The following ASTN2 variants were observed in gnomAD, a reference collection of about 807,000 sequenced individuals.
ASTN2 encodes the protein astrotactin-2.
A neutral mutation model predicts 139.8 loss-of-function variants in ASTN2; 54 were observed. That is an observed-to-expected ratio of 0.39 (90% CI 0.31 to 0.48). The LOEUF (loss-of-function observed/expected upper bound fraction) is 0.48. ASTN2 is among the 20% of genes least tolerant of loss of function. The pLI is 0.95. For synonymous variants in ASTN2, 756 were observed against 719.5 expected (o/e 1.05, Z -0.81); for missense variants, 1,565 against 1,725.1 (o/e 0.91, Z 1.64).
At chr9:116,576,594 C>T (rs1853730785) in intron 19 of ASTN2, among the ~76,000 whole-genome samples, 1 of 152,148 alleles carries the variant, frequency 6.6e-6, no homozygotes, top group Non-Finnish European at 1.5e-5. Flanking sequence ...GCAGGAAGTG[C>T]TTCAGGACAG....
chr9:117,200,886 T>C (rs1229759591), intron 3 of ASTN2, among the ~76,000 whole-genome samples: 2 of 152,088 alleles, frequency 1.3e-5, no homozygotes, highest in Non-Finnish European at 1.5e-5. Flanking sequence ...TAAAATGAGT[T>C]AGGAAGGAGT....
chr9:116,984,434 T>C (rs1473535505), intron 7 of ASTN2, among the ~76,000 whole-genome samples: 2 of 152,208 alleles, frequency 1.3e-5, no homozygotes, highest in African/African-American at 4.8e-5. Flanking sequence ...TCAATAACTC[T>C]GCCTCCCTGT....
At chr9:116,960,002 T>C (rs1266982140) in intron 10 of ASTN2, among the ~76,000 whole-genome samples, 1 of 152,124 alleles carries the variant, frequency 6.6e-6, no homozygotes, top group East Asian at 1.9e-4. Flanking sequence ...TCATGTCTGC[T>C]GGTGCTGCAC....
At position 116,815,588 on chromosome 9, in the gene ASTN2, G is replaced by C. The variant is rs922002589; in HGVS notation, c.2207+5029C>G. Among the ~76,000 whole-genome samples, 3 of 151,036 alleles carry C rather than the reference G, an allele frequency of 2.0e-5. No individual in the cohort carries two copies. The East Asian group carries it at 5.9e-4, about 30-fold the overall frequency. On this transcript the variant is annotated intron_variant, in intron 12 of 22. Coordinates refer to ENST00000313400, the MANE Select transcript of ASTN2 (RefSeq NM_001365068.1). ...TGGGAGGCTGAGGCGGGTGGATCAC[G>C]AGGTCAGGAGATCGAGACCATCCTG...
intron 11 of ASTN2, among the ~76,000 whole-genome samples, chr9:116,847,084 T>C (rs970415871): frequency 6.8e-6 from 1 of 147,576 alleles, no homozygotes; most frequent in East Asian, 2.0e-4. Context: ...GGGAGAAAAG[T>C]AAGTAAGCAC....
intron 10 of ASTN2, among the ~76,000 whole-genome samples, chr9:116,897,198 T>G (rs1306891931): frequency 6.6e-6 from 1 of 152,070 alleles, no homozygotes; most frequent in Non-Finnish European, 1.5e-5. Flanking sequence ...AAGGACCAAA[T>G]GTAGATGGGA....
chr9:116,648,212 A>C (rs901439261), intron 17 of ASTN2, among the ~76,000 whole-genome samples: 8 of 151,972 alleles, frequency 5.3e-5, no homozygotes, highest in African/African-American at 1.9e-4. Context: ...ATGTTGTACA[A>C]GCTGGTCTTG....
chr9:116,819,945 C>T (rs1831438450), intron 12 of ASTN2, among the ~76,000 whole-genome samples: 1 of 152,200 alleles, frequency 6.6e-6, no homozygotes, highest in African/African-American at 2.4e-5. Flanking sequence ...GATGGTCAAA[C>T]TGTGGCCCAG....
intron 1 of ASTN2, among the ~76,000 whole-genome samples, chr9:117,299,592 C>T (rs903489416): frequency 7.2e-5 from 11 of 152,046 alleles, no homozygotes; most frequent in African/African-American, 1.4e-4. Flanking sequence ...TGGGGGGAAC[C>T]GGTATAAAAC....
At chr9:117,214,284 T>C in intron 3 of ASTN2, 74 bp downstream of exon 3, 1 of 1,496,596 alleles carries the variant, frequency 6.7e-7, no homozygotes, top group Non-Finnish European at 9.0e-7. Context: ...AGTCCCCAAC[T>C]GCCCAGCTTC....
intron 13 of ASTN2, among the ~76,000 whole-genome samples, chr9:116,735,101 C>G (rs182182169): frequency 6.6e-6 from 1 of 152,294 alleles, no homozygotes; most frequent in Admixed American, 6.5e-5. Context: ...GGTGGTGGAG[C>G]TGGGATACGA....
At chr9:117,046,262 A>G (rs35946190) in intron 5 of ASTN2, among the ~76,000 whole-genome samples, 23,347 of 151,966 alleles carry the variant, frequency 0.15, 1,940 homozygotes, top group African/African-American at 0.18. Flanking sequence ...CAGCCTCCCA[A>G]TGTGCTAGGA....
At chr9:116,806,017 A>G (rs1035299142) in intron 12 of ASTN2, among the ~76,000 whole-genome samples, 197 bp from the exon 13 acceptor site, 2 of 152,214 alleles carry the variant, frequency 1.3e-5, no homozygotes, top group African/African-American at 4.8e-5. Context: ...AAATTCAAGG[A>G]AAGTCATTTG....
chr9:117,064,950 T>C (rs796444807), intron 5 of ASTN2, among the ~76,000 whole-genome samples: 6 of 152,080 alleles, frequency 3.9e-5, no homozygotes, highest in South Asian at 4.2e-4. Context: ...AACCTCAGAA[T>C]TGACCTTACA....
At chr9:116,570,295 A>G (rs1853444768) in intron 19 of ASTN2, among the ~76,000 whole-genome samples, 1 of 152,134 alleles carries the variant, frequency 6.6e-6, no homozygotes, top group South Asian at 2.1e-4. Context: ...ACCAAATCCT[A>G]TATATTTACT....
At chr9:117,012,478 C>T (rs976979797) in intron 6 of ASTN2, among the ~76,000 whole-genome samples, 2 of 152,132 alleles carry the variant, frequency 1.3e-5, no homozygotes, top group African/African-American at 2.4e-5. Flanking sequence ...AAGAAATAGA[C>T]ATAGAGACTA....
intron 1 of ASTN2, among the ~76,000 whole-genome samples, chr9:117,410,497 A>G (rs1175518246): frequency 6.6e-6 from 1 of 152,204 alleles, no homozygotes; most frequent in Non-Finnish European, 1.5e-5. Context: ...GAATCTTTAC[A>G]CGAAAGGATT....
intron 3 of ASTN2, among the ~76,000 whole-genome samples, chr9:117,166,441 T>A (rs1830671830): frequency 6.6e-6 from 1 of 152,118 alleles, no homozygotes; most frequent in Non-Finnish European, 1.5e-5. Flanking sequence ...TTCCACTGCT[T>A]TTAGAACAAA....
chr9:116,440,412 G>C (rs1488581887), intron 22 of ASTN2, among the ~76,000 whole-genome samples, 197 bp downstream of exon 22: 1 of 152,122 alleles, frequency 6.6e-6, no homozygotes, highest in Non-Finnish European at 1.5e-5. Context: ...CAACATTCCA[G>C]GAGTGCAGGA....
Sources: allele counts gnomAD v4.1 joint callset (sites outside exome capture counted in the v4.1 genomes callset), GRCh38; gene constraint gnomAD v4.1.1; transcripts MANE v1.5; gene names NCBI Gene and HGNC (gene_info 2026-07-23, HGNC 2026-07-21).